Variants in EPAS1 observed in about 807,000 individuals in gnomAD.
EPAS1 encodes the protein endothelial PAS domain-containing protein 1.
In EPAS1, 23 loss-of-function variants were observed where a neutral mutation model predicts 87.9. The observed-to-expected ratio is 0.26, with a 90% CI of 0.19 to 0.37. The LOEUF (loss-of-function observed/expected upper bound fraction) is 0.37. Among genes scored for constraint, EPAS1 ranks in the 10% least tolerant of loss-of-function variants. The pLI, the probability that EPAS1 is intolerant of heterozygous loss-of-function variation, is 1.00. For missense variants in EPAS1, 1,138 were observed against 1,120.7 expected (o/e 1.02, Z -0.22); for synonymous variants, 508 against 444.3 (o/e 1.14, Z -1.80).
rs1684055145 is a variant in EPAS1, at chr2:46,347,466, G to T, written c.217+403G>T. The T allele has an allele frequency of 3.4e-6, 1 of 295,970 alleles. No individual in the cohort carries two copies. Among genetic ancestry groups the T allele is most frequent in the Admixed American group, 4.5e-5 (1 of 22,260 alleles). The allele number at this position is 295,970 out of a possible 1,614,324, so 18.3% of individuals were successfully genotyped here. A position where few individuals can be genotyped will look rare whatever the true frequency, so the allele number is the denominator to read the frequency against. ...TCCAGTGCCTTCTCCAGAACAGCAAGAAGGTGTGCCCGGATGATCTTTTCC... is the reference window on the plus strand; with the variant it reads ...TCCAGTGCCTTCTCCAGAACAGCAATAAGGTGTGCCCGGATGATCTTTTCC... On this transcript the variant is annotated intron_variant, in intron 2 of 15. Coordinates refer to ENST00000263734, the MANE Select transcript of EPAS1 (RefSeq NM_001430.5). The surrounding 1 kb of genome is among the most constrained non-coding windows in gnomAD (Gnocchi z 4.2).
intron 1 of EPAS1, among the ~76,000 whole-genome samples, chr2:46,339,718 G>T (rs1400851907): frequency 1.3e-5 from 2 of 152,222 alleles, no homozygotes; most frequent in Non-Finnish European, 2.9e-5. Flanking sequence ...AAACTGAGTG[G>T]CTTATAAACA....
chr2:46,382,443 C>G lies in EPAS1; in HGVS notation c.2306C>G (p.Pro769Arg). 2 of 1,614,186 alleles carry G rather than the reference C, an allele frequency of 1.2e-6. No homozygotes were observed. Among genetic ancestry groups the G allele is most frequent in the Non-Finnish European group, 1.7e-6 (2 of 1,180,040 alleles). ...NVPNDKFTQN[P>R]MRGLGHPLRH... ...CTTTCAGATAAGTTCACCCAAAACC[C>G]CATGAGGGGCCTGGGCCATCCCCTG... The change falls in exon 15 of 16, where the codon CCC becomes CGC. Residue 769 changes from proline (P) to arginine (R), a missense_variant. By Grantham distance (103) the Pro-to-Arg change is moderately radical. This residue lies in a region of EPAS1 where 502 missense variants were observed against 427.1 expected (regional missense o/e 1.18). Transcript: ENST00000263734.
chr2:46,336,661 C>CTG (rs1683799340), intron 1 of EPAS1, among the ~76,000 whole-genome samples: 1 of 152,212 alleles, frequency 6.6e-6, no homozygotes, highest in Non-Finnish European at 1.5e-5. Context: ...TGGCAGCAGG[C>CTG]AGCACTAACC....
intron 7 of EPAS1, among the ~76,000 whole-genome samples, chr2:46,370,179 G>C (rs1417636772): frequency 6.6e-6 from 1 of 152,258 alleles, no homozygotes; most frequent in African/African-American, 2.4e-5. Context: ...AAGGTGCACA[G>C]CTGAGGCAGT....
At chr2:46,305,871 G>C (rs989074320) in intron 1 of EPAS1, among the ~76,000 whole-genome samples, 1 of 152,214 alleles carries the variant, frequency 6.6e-6, no homozygotes, top group Non-Finnish European at 1.5e-5. Flanking sequence ...TGATTGTGGT[G>C]CTGAAGGTAA....
At chr2:46,351,920 G>T (rs573928742) in intron 2 of EPAS1, among the ~76,000 whole-genome samples, 1 of 152,338 alleles carries the variant, frequency 6.6e-6, no homozygotes, top group African/African-American at 2.4e-5. Flanking sequence ...CACCCCACAT[G>T]GGCGGTGCTG....
At chr2:46,302,118 C>CTCTGTGTGTGTGTG (rs35925160) in intron 1 of EPAS1, among the ~76,000 whole-genome samples, 1,617 of 127,642 alleles carry the variant, frequency 0.013, 22 homozygotes, top group Middle Eastern at 0.063. Flanking sequence ...CTCTTTCTCT[C>CTCTGTGTGTGTGTG]TGTGTGTGTG....
chr2:46,310,353 G>C (rs571269565), intron 1 of EPAS1, among the ~76,000 whole-genome samples: 84 of 152,278 alleles, frequency 5.5e-4, no homozygotes, highest in Middle Eastern at 3.4e-3. Flanking sequence ...TATGGAAAGA[G>C]AACAGTCCCT....
intron 1 of EPAS1, among the ~76,000 whole-genome samples, chr2:46,326,187 G>C (rs997878655): frequency 6.6e-6 from 1 of 152,176 alleles, no homozygotes; most frequent in Non-Finnish European, 1.5e-5. Flanking sequence ...AGTTGTTGCT[G>C]ACTCTCCCAC....
chr2:46,311,859 G>A (rs1367486156), intron 1 of EPAS1, among the ~76,000 whole-genome samples: 3 of 152,182 alleles, frequency 2.0e-5, no homozygotes, highest in Admixed American at 6.5e-5. Flanking sequence ...AGCCTGGTGA[G>A]CAGAAAACCC....
chr2:46,302,036 A>G (rs1683010861), intron 1 of EPAS1, among the ~76,000 whole-genome samples: 1 of 151,696 alleles, frequency 6.6e-6, no homozygotes, highest in Admixed American at 6.6e-5. Context: ...TGATTTTTGT[A>G]CTGGGTTAGT....
chr2:46,361,440 A>T (rs1684385340), intron 6 of EPAS1, among the ~76,000 whole-genome samples: 1 of 152,190 alleles, frequency 6.6e-6, no homozygotes, highest in African/African-American at 2.4e-5. Flanking sequence ...AGAGACTTCC[A>T]TCTGTACTCC....
At chr2:46,304,582 G>C (rs1319644181) in intron 1 of EPAS1, among the ~76,000 whole-genome samples, 1 of 152,096 alleles carries the variant, frequency 6.6e-6, no homozygotes. Context: ...AGATCTGAAA[G>C]GCCAACATGG....
Position 46,377,934 on chromosome 2 carries a change from C to T in EPAS1, c.1290C>T (p.Ala430=). Reference sequence around the variant, plus strand: ...AGGAGTCCTCAGCCTATGGCAAGGCCATCCTGCCCCCGAGCCAGCCATGGG... The same window carrying T: ...AGGAGTCCTCAGCCTATGGCAAGGCTATCCTGCCCCCGAGCCAGCCATGGG... ...NFEESSAYGK[A]ILPPSQPWAT... The change falls in exon 10 of 16, where the codon GCC becomes GCT. Residue 430 remains alanine, a synonymous_variant. Coordinates refer to ENST00000263734, the MANE Select transcript of EPAS1 (RefSeq NM_001430.5). The T allele has an allele frequency of 6.4e-7, 1 of 1,555,600 alleles. No individual in the cohort carries two copies.
chr2:46,378,794 G>A (rs1348853545), intron 11 of EPAS1, 27 bp downstream of exon 11: 2 of 1,572,310 alleles, frequency 1.3e-6, no homozygotes, highest in South Asian at 2.2e-5. Flanking sequence ...ATCAGGCTAG[G>A]GTGTGTGCCT....
intron 7 of EPAS1, among the ~76,000 whole-genome samples, chr2:46,370,933 A>G (rs571349861): frequency 2.1e-4 from 32 of 152,136 alleles, no homozygotes; most frequent in Non-Finnish European, 4.4e-4. Flanking sequence ...GCCCTAAGTG[A>G]CCTTATTTCT....
intron 1 of EPAS1, among the ~76,000 whole-genome samples, chr2:46,313,063 G>C (rs1683245122): frequency 6.6e-6 from 1 of 152,196 alleles, no homozygotes; most frequent in Non-Finnish European, 1.5e-5. Context: ...CTTGCCCAAG[G>C]TCTTTAAGAG....
intron 2 of EPAS1, among the ~76,000 whole-genome samples, chr2:46,353,103 T>G (rs1684204496): frequency 6.6e-6 from 1 of 152,196 alleles, no homozygotes; most frequent in South Asian, 2.1e-4. Flanking sequence ...CTCGGTTGGC[T>G]AGAAACCACA....
intron 11 of EPAS1, 38 bp downstream of exon 11, chr2:46,378,805 G>A (rs1203809304): frequency 1.3e-6 from 2 of 1,538,974 alleles, no homozygotes; most frequent in African/African-American, 2.7e-5. Flanking sequence ...GTGTGTGCCT[G>A]CTGTCTGGTG....
Sources: gnomAD v4.1 joint callset for allele counts (sites outside exome capture counted in the v4.1 genomes callset) on GRCh38, gnomAD v4.1.1 for gene constraint, gnomAD v4.1.1 regional missense constraint, Gnocchi (gnomAD v3.1) non-coding constraint, MANE v1.5 for transcripts, NCBI Gene and HGNC (gene_info 2026-07-23, HGNC 2026-07-21) for gene names.